The following ANO3 variants were observed in gnomAD, a reference collection of about 807,000 sequenced individuals.
ANO3 encodes the protein anoctamin 3.
Under a neutral mutation model 144.8 loss-of-function variants are expected in ANO3, and 99 were observed. That is an observed-to-expected ratio of 0.68 (90% CI 0.58 to 0.81). ANO3 has a LOEUF of 0.81. ANO3 is among the 30% of genes least tolerant of loss of function. The pLI, the probability that ANO3 is intolerant of heterozygous loss-of-function variation, is 0.00. For missense variants in ANO3, 905 were observed against 1,202.2 expected (o/e 0.75, Z 3.66); for synonymous variants, 414 against 392.6 (o/e 1.05, Z -0.64).
At chr11:26,361,113 T>G (rs1294308562) in intron 1 of ANO3, among the ~76,000 whole-genome samples, 1 of 152,204 alleles carries the variant, frequency 6.6e-6, no homozygotes, top group Non-Finnish European at 1.5e-5. Flanking sequence ...AATACTAATT[T>G]AACTATATCG....
intron 1 of ANO3, among the ~76,000 whole-genome samples, chr11:26,439,710 C>T (rs1310098875): frequency 6.6e-6 from 1 of 152,066 alleles, no homozygotes; most frequent in Non-Finnish European, 1.5e-5. Context: ...ATACCTAAGA[C>T]ATAATATATA....
rs143188579 is a variant in ANO3, at chr11:26,431,593, C to T, written c.47-10325C>T. Among the ~76,000 whole-genome samples the T allele has an allele frequency of 1.2e-4, 19 of 152,274 alleles. No homozygotes were observed. In the East Asian group the frequency reaches 3.3e-3, roughly 26 times the overall value. On this transcript the variant is annotated intron_variant, in intron 1 of 26. Coordinates refer to ENST00000256737, the MANE Select transcript of ANO3 (RefSeq NM_031418.4). Reference sequence around the variant, plus strand: ...TCAAATAGACCGCAGCGTCTGTTCCCTTCTATATGTCCATGTGTTCTCATT... The same window carrying T: ...TCAAATAGACCGCAGCGTCTGTTCCTTTCTATATGTCCATGTGTTCTCATT...
At chr11:26,357,528 T>C (rs1297547019) in intron 1 of ANO3, among the ~76,000 whole-genome samples, 1 of 151,250 alleles carries the variant, frequency 6.6e-6, no homozygotes, top group Non-Finnish European at 1.5e-5. Context: ...TTTTTTCTGT[T>C]TTTTTTTTAA....
intron 1 of ANO3, among the ~76,000 whole-genome samples, chr11:26,431,346 T>G (rs1182987377): frequency 6.6e-6 from 1 of 152,242 alleles, no homozygotes; most frequent in Non-Finnish European, 1.5e-5. Context: ...TATTACATGA[T>G]GCTGAGATTT....
intron 14 of ANO3, chr11:26,566,912 G>A: frequency 1.2e-5 from 8 of 650,266 alleles, no homozygotes; most frequent in Non-Finnish European, 1.8e-5. Context: ...GCTGACTTAG[G>A]TAGCAGCACT....
At chr11:26,479,686 G>A (rs1368387991) in intron 4 of ANO3, among the ~76,000 whole-genome samples, 4 of 152,056 alleles carry the variant, frequency 2.6e-5, no homozygotes, top group African/African-American at 7.2e-5. Context: ...GATTCAGGTG[G>A]GGACACAGCC....
intron 1 of ANO3, among the ~76,000 whole-genome samples, chr11:26,421,203 C>T (rs1378245594): frequency 1.3e-5 from 2 of 151,966 alleles, no homozygotes; most frequent in African/African-American, 2.4e-5. Flanking sequence ...AATTTGTAGG[C>T]ACGAAATACA....
intron 1 of ANO3, among the ~76,000 whole-genome samples, chr11:26,323,760 A>T (rs946339579): frequency 1.3e-5 from 2 of 152,232 alleles, no homozygotes; most frequent in African/African-American, 4.8e-5. Flanking sequence ...AAAATTGACA[A>T]ATTAATTCTT....
rs1334223271 is a variant in ANO3, at chr11:26,333,202, T to G, written c.46+881T>G. 5.3e-5 allele frequency among the ~76,000 whole-genome samples: 8 copies of G among 152,256 alleles called. No homozygotes were observed. The East Asian group carries it at 1.5e-3, about 29-fold the overall frequency. On this transcript the variant is annotated intron_variant, in intron 1 of 26. Transcript: ENST00000256737. ...TGAATTTGTTCATTCAAAGTAAATA[T>G]TTACTTAAATATTCTCATCCCCACC... is the stretch of plus-strand genomic sequence containing the variant.
At chr11:26,627,175 A>G (rs1281773933) in intron 18 of ANO3, among the ~76,000 whole-genome samples, 1 of 152,114 alleles carries the variant, frequency 6.6e-6, no homozygotes, top group Non-Finnish European at 1.5e-5. Flanking sequence ...TTGGAGAAAC[A>G]ATGTTTTGAA....
intron 1 of ANO3, among the ~76,000 whole-genome samples, chr11:26,433,788 GCATT>G (rs1858199918): frequency 6.6e-6 from 1 of 152,108 alleles, no homozygotes. Context: ...ATGTGCTGCT[GCATT>G]CAGTTTGCAT....
intron 1 of ANO3, among the ~76,000 whole-genome samples, chr11:26,292,830 T>G (rs2199377): frequency 1 from 152,110 of 152,230 alleles, 75,995 homozygotes; most frequent in Non-Finnish European, 1. Flanking sequence ...GCTGTATGAG[T>G]TGTCAGTTGG....
chr11:26,537,662 T>C (rs756759889), intron 10 of ANO3, among the ~76,000 whole-genome samples: 1 of 152,166 alleles, frequency 6.6e-6, no homozygotes, highest in Non-Finnish European at 1.5e-5. Flanking sequence ...ATTTGCCCCA[T>C]ACTGGGAATC....
intron 4 of ANO3, among the ~76,000 whole-genome samples, chr11:26,477,424 A>G (rs1860024823): frequency 6.6e-6 from 1 of 152,068 alleles, no homozygotes; most frequent in South Asian, 2.1e-4. Flanking sequence ...ACCTTTCTCC[A>G]TTCATGTTTT....
intron 1 of ANO3, among the ~76,000 whole-genome samples, chr11:26,266,621 G>C (rs998228054): frequency 1.3e-5 from 2 of 151,530 alleles, no homozygotes; most frequent in African/African-American, 4.8e-5. Flanking sequence ...TTTTAGTAGA[G>C]ACAGGAGTTG....
chr11:26,404,552 A>G (rs1857228358), intron 1 of ANO3, among the ~76,000 whole-genome samples: 1 of 151,802 alleles, frequency 6.6e-6, no homozygotes, highest in Non-Finnish European at 1.5e-5. Context: ...CGTTCCCGAA[A>G]TATTGTTGAT....
intron 20 of ANO3, among the ~76,000 whole-genome samples, chr11:26,636,731 G>A (rs1473592805): frequency 6.6e-6 from 1 of 152,182 alleles, no homozygotes; most frequent in Non-Finnish European, 1.5e-5. Context: ...GTAGGATGGC[G>A]TGTAGGTATA....
chr11:26,265,965 A>T (rs1279676293), intron 1 of ANO3, among the ~76,000 whole-genome samples: 1 of 152,228 alleles, frequency 6.6e-6, no homozygotes, highest in East Asian at 1.9e-4. Flanking sequence ...AAGCTACACA[A>T]TGAAGGGGAA....
chr11:26,642,584 C>G (rs1006509229), intron 22 of ANO3, among the ~76,000 whole-genome samples: 5 of 151,932 alleles, frequency 3.3e-5, no homozygotes, highest in African/African-American at 1.2e-4. Flanking sequence ...CTCCTGACCT[C>G]AGGTGATCTG....
Sources: allele counts gnomAD v4.1 joint callset (sites outside exome capture counted in the v4.1 genomes callset), GRCh38; gene constraint gnomAD v4.1.1; transcripts MANE v1.5; gene names NCBI Gene and HGNC (gene_info 2026-07-23, HGNC 2026-07-21).